Variants in EBF1 observed in about 807,000 individuals in gnomAD.
The protein encoded by EBF1 is transcription factor COE1.
A neutral mutation model predicts 68.4 loss-of-function variants in EBF1; 10 were observed. That is an observed-to-expected ratio of 0.15 (90% CI 0.09 to 0.25). The LOEUF is 0.25. Ranked by LOEUF, EBF1 falls within the 10% of genes least tolerant of loss-of-function variation. The pLI is 1.00. For missense variants in EBF1, 509 were observed against 794.4 expected (o/e 0.64, Z 4.32); for synonymous variants, 298 against 299.8 (o/e 0.99, Z 0.06).
At chr5:158,700,921 G>A (rs1756613494) in intron 15 of EBF1, among the ~76,000 whole-genome samples, 2 of 152,180 alleles carry the variant, frequency 1.3e-5, no homozygotes, top group African/African-American at 2.4e-5. Flanking sequence ...AGTTGGAAAT[G>A]CAGTCCCCCT....
At chr5:158,876,664 C>T (rs1366566865) in intron 6 of EBF1, among the ~76,000 whole-genome samples, 1 of 152,204 alleles carries the variant, frequency 6.6e-6, no homozygotes, top group Non-Finnish European at 1.5e-5. Flanking sequence ...GTTCCATGGG[C>T]CTGCCTTTTG....
intron 8 of EBF1, among the ~76,000 whole-genome samples, chr5:158,799,028 G>C (rs1398140293): frequency 6.6e-6 from 1 of 152,100 alleles, no homozygotes; most frequent in Admixed American, 6.6e-5. Flanking sequence ...AGTCTTGAGG[G>C]GAAGCTCTGT....
At chr5:159,059,081 T>C (rs528092745) in intron 6 of EBF1, among the ~76,000 whole-genome samples, 1 of 152,324 alleles carries the variant, frequency 6.6e-6, no homozygotes, top group East Asian at 1.9e-4. Flanking sequence ...AGGTGGCAAC[T>C]GTAGCCCAAC....
intron 6 of EBF1, among the ~76,000 whole-genome samples, chr5:159,022,975 G>A (rs909609558): frequency 1.3e-5 from 2 of 152,120 alleles, no homozygotes; most frequent in African/African-American, 2.4e-5. Flanking sequence ...GAAATTAAAT[G>A]ATTATATTAA....
chr5:158,709,288 C>A (rs192178637), intron 14 of EBF1, among the ~76,000 whole-genome samples: 8 of 151,948 alleles, frequency 5.3e-5, no homozygotes, highest in South Asian at 2.1e-4. Flanking sequence ...TTCATCTTGT[C>A]ATGGGCAATG....
intron 6 of EBF1, among the ~76,000 whole-genome samples, chr5:158,850,337 A>C (rs1295429793): frequency 6.6e-6 from 1 of 152,328 alleles, no homozygotes; most frequent in East Asian, 1.9e-4. Context: ...TTATTCAATA[A>C]GTATTTACTA....
At chr5:158,832,038 G>C (rs1030869930) in intron 7 of EBF1, among the ~76,000 whole-genome samples, 3 of 152,170 alleles carry the variant, frequency 2.0e-5, no homozygotes, top group Non-Finnish European at 2.9e-5. Context: ...TATAACTAGA[G>C]CTCTACAAGT....
chr5:158,749,949 A>T (rs1047624390), intron 10 of EBF1, among the ~76,000 whole-genome samples: 1 of 152,100 alleles, frequency 6.6e-6, no homozygotes, highest in East Asian at 1.9e-4. Context: ...CAACATTGAA[A>T]CTACAGAGAG....
At chr5:158,888,353 T>G (rs1380015959) in intron 6 of EBF1, among the ~76,000 whole-genome samples, 1 of 152,136 alleles carries the variant, frequency 6.6e-6, no homozygotes, top group Non-Finnish European at 1.5e-5. Flanking sequence ...GAATACTGAC[T>G]ATGGCTAGCA....
intron 6 of EBF1, among the ~76,000 whole-genome samples, chr5:158,892,388 C>T (rs1212541963): frequency 1.3e-5 from 2 of 152,128 alleles, no homozygotes; most frequent in African/African-American, 4.8e-5. Flanking sequence ...ACTCGGGAAG[C>T]TGAGGGAGGA....
At chr5:159,044,532 A>G (rs1156793763) in intron 6 of EBF1, among the ~76,000 whole-genome samples, 1 of 152,232 alleles carries the variant, frequency 6.6e-6, no homozygotes, top group African/African-American at 2.4e-5. Flanking sequence ...TGCATTTTTA[A>G]CATATAAACT....
chr5:159,050,572 G>C (rs1328506674), intron 6 of EBF1, among the ~76,000 whole-genome samples: 1 of 152,194 alleles, frequency 6.6e-6, no homozygotes, highest in African/African-American at 2.4e-5. Flanking sequence ...CTGAGTCTCA[G>C]TCATAGCTCT....
chr5:158,901,846 T>G (rs1803424856), intron 6 of EBF1, among the ~76,000 whole-genome samples: 1 of 152,190 alleles, frequency 6.6e-6, no homozygotes, highest in East Asian at 1.9e-4. Flanking sequence ...ATACCAGCAC[T>G]TTGGGAAGCC....
chr5:158,896,431 G>A (rs142662773), intron 6 of EBF1, among the ~76,000 whole-genome samples: 11 of 152,082 alleles, frequency 7.2e-5, no homozygotes, highest in South Asian at 2.1e-4. Context: ...AATAGTAATC[G>A]CTACCATTTC....
At chr5:158,736,556 T>C (rs565601924) in intron 10 of EBF1, among the ~76,000 whole-genome samples, 1 of 152,328 alleles carries the variant, frequency 6.6e-6, no homozygotes, top group Admixed American at 6.5e-5. Flanking sequence ...TCCAAACAAA[T>C]ATCTAGACTC....
chr5:158,902,516 C>A (rs1803629106), intron 6 of EBF1, among the ~76,000 whole-genome samples: 1 of 150,966 alleles, frequency 6.6e-6, no homozygotes, highest in Admixed American at 6.6e-5. Flanking sequence ...CAGCCTTGAA[C>A]TCAGGGATCA....
At chr5:158,908,039 C>T (rs1489555058) in intron 6 of EBF1, among the ~76,000 whole-genome samples, 1 of 152,174 alleles carries the variant, frequency 6.6e-6, no homozygotes, top group African/African-American at 2.4e-5. Flanking sequence ...CAACACCCCA[C>T]CACCGAGTTT....
chr5:158,869,924 A>AG (rs1451537964), intron 6 of EBF1, among the ~76,000 whole-genome samples: 1 of 152,206 alleles, frequency 6.6e-6, no homozygotes, highest in African/African-American at 2.4e-5. Flanking sequence ...GGGACCAGGT[A>AG]GGGAGGCTGT....
At chr5:158,889,741 A>G (rs763832104) in intron 6 of EBF1, among the ~76,000 whole-genome samples, 35 of 152,206 alleles carry the variant, frequency 2.3e-4, no homozygotes, top group Non-Finnish European at 4.7e-4. Context: ...CTACCAGCAG[A>G]GTCAAAGCCA....
Sources: allele counts gnomAD v4.1 joint callset (sites outside exome capture counted in the v4.1 genomes callset), GRCh38; gene constraint gnomAD v4.1.1; transcripts MANE v1.5; gene names NCBI Gene and HGNC (gene_info 2026-07-23, HGNC 2026-07-21).